The following XYLB variants were observed in gnomAD, a reference collection of about 807,000 sequenced individuals.
XYLB encodes xylulose kinase.
XYLB carries 62 observed loss-of-function variants against 78.7 expected under a neutral mutation model. The ratio of observed to expected loss-of-function variants is 0.79; its 90% CI spans 0.64 to 0.97. The LOEUF is 0.97. Ranked by LOEUF, XYLB falls within the 50% of genes least tolerant of loss-of-function variation. The pLI, the probability that XYLB is intolerant of heterozygous loss-of-function variation, is 0.00. For missense variants in XYLB, 687 were observed against 676.8 expected (o/e 1.02, Z -0.17); for synonymous variants, 245 against 247.4 (o/e 0.99, Z 0.09).
At chr3:38,368,339 C>T in intron 8 of XYLB, 82 bp downstream of exon 8, 1 of 1,272,674 alleles carries the variant, frequency 7.9e-7, no homozygotes, top group Non-Finnish European at 1.1e-6. Context: ...CCCCACCTAC[C>T]CCGAGTGGGT....
intron 2 of XYLB, among the ~76,000 whole-genome samples, chr3:38,352,023 G>A (rs1705392160): frequency 6.6e-6 from 1 of 152,086 alleles, no homozygotes; most frequent in East Asian, 1.9e-4. Flanking sequence ...CATTTTTCTT[G>A]GAAATGACAT....
intron 18 of XYLB, among the ~76,000 whole-genome samples, chr3:38,409,118 A>C (rs1003566300): frequency 6.6e-6 from 1 of 152,272 alleles, no homozygotes; most frequent in African/African-American, 2.4e-5. Context: ...CTTGATGAGC[A>C]TTGATGCAAA....
intron 2 of XYLB, among the ~76,000 whole-genome samples, chr3:38,357,408 A>T (rs1369577315): frequency 6.3e-5 from 9 of 141,864 alleles, no homozygotes; most frequent in South Asian, 2.2e-4. Flanking sequence ...TTTTTTTGAG[A>T]TGGAGTCTTG....
chr3:38,401,030 G>A lies in XYLB; in HGVS notation c.1533+45G>A, dbSNP rs763332896. On this transcript the variant is annotated intron_variant, in intron 18 of 18. Coordinates refer to ENST00000207870, the MANE Select transcript of XYLB (RefSeq NM_005108.4). ...TGTTTGTAGCATTTGCATTATGAAA[G>A]CCCGCTAGGGTTTTTTCCCCCACCA... 10 of 1,566,486 alleles carry A rather than the reference G, an allele frequency of 6.4e-6. No individual in the cohort carries two copies. In the East Asian group the frequency reaches 2.2e-4, roughly 35 times the overall value.
chr3:38,388,299 T>A (rs1357624168), intron 15 of XYLB, among the ~76,000 whole-genome samples: 2 of 151,944 alleles, frequency 1.3e-5, no homozygotes, highest in Non-Finnish European at 2.9e-5. Context: ...CAGGAACATA[T>A]TCAAGAGATT....
At chr3:38,374,385 GC>G (rs1706736033) in intron 10 of XYLB, 76 bp from the exon 11 acceptor site, 11 of 1,605,344 alleles carry the variant, frequency 6.9e-6, no homozygotes, top group Non-Finnish European at 6.8e-6. Context: ...CTCTGCGCCT[GC>G]CTGGAGAGCC....
At chr3:38,365,814 G>A in intron 6 of XYLB, 78 bp downstream of exon 6, 1 of 1,496,544 alleles carries the variant, frequency 6.7e-7, no homozygotes, top group Non-Finnish European at 8.9e-7. Flanking sequence ...CTGCCTCTGG[G>A]GGGATCACAT....
At chr3:38,401,034 G>T (rs766727600) in intron 18 of XYLB, 49 bp downstream of exon 18, 1 of 1,557,456 alleles carries the variant, frequency 6.4e-7, no homozygotes, top group African/African-American at 1.4e-5. Context: ...ATGAAAGCCC[G>T]CTAGGGTTTT....
chr3:38,350,737 G>A (rs1705311125), intron 2 of XYLB, among the ~76,000 whole-genome samples: 1 of 151,884 alleles, frequency 6.6e-6, no homozygotes, highest in African/African-American at 2.4e-5. Flanking sequence ...TGCTTTTTAT[G>A]GGATGCCTTA....
At chr3:38,449,235 A>T in the XYLB span, among the ~76,000 whole-genome samples, 2 of 152,026 alleles carry the variant, frequency 1.3e-5, no homozygotes, top group Non-Finnish European at 2.9e-5. Flanking sequence ...TGATTCTCCC[A>T]CCTCAGCCTA....
intron 18 of XYLB, among the ~76,000 whole-genome samples, chr3:38,408,952 G>A (rs1197939653): frequency 1.3e-5 from 2 of 152,152 alleles, no homozygotes; most frequent in African/African-American, 4.8e-5. Context: ...AATTCTACCA[G>A]AGGTACAAGG....
At chr3:38,435,803 A>C in the XYLB span, among the ~76,000 whole-genome samples, 3 of 152,204 alleles carry the variant, frequency 2.0e-5, no homozygotes, top group South Asian at 6.2e-4. Context: ...TTTGGAAACT[A>C]TAGAAATATA....
rs745708954 is a variant in XYLB, at chr3:38,376,198, G to A, written c.1086G>A (p.Leu362=). The A allele has an allele frequency of 6.2e-7, 1 of 1,614,014 alleles. No homozygotes were observed. The highest frequency in any genetic ancestry group is 8.5e-7 in the Non-Finnish European group (1 of 1,179,850). The change falls in exon 13 of 19, where the codon CTG becomes CTA. Residue 362 remains leucine (L), a synonymous_variant. Coordinates refer to ENST00000207870, the MANE Select transcript of XYLB (RefSeq NM_005108.4). The stretch of plus-strand genomic sequence containing the variant: ...CCTGGAGCGATTTCTCTAAGGCACT[G>A]CAGTCCACAGAGATGGGCAACGGTG... ...SRSWSDFSKA[L]QSTEMGNGGN...
rs1267447652 is a variant in XYLB at position 38,377,498 on chromosome 3, A to G, written c.1194+507A>G. ...AGTCTCACTCTGTTGCCCAGGCTTG[A>G]GTGCAGCGGGACGATCTCGGCTCAC... On this transcript the variant is annotated intron_variant, in intron 14 of 18. Transcript: ENST00000207870. Among the ~76,000 whole-genome samples, 8 of 147,194 alleles carry G rather than the reference A, an allele frequency of 5.4e-5. No individual in the cohort carries two copies. The East Asian group carries it at 1.6e-3, about 29-fold the overall frequency.
chr3:38,448,532 T>G, the XYLB span, among the ~76,000 whole-genome samples: 1 of 152,250 alleles, frequency 6.6e-6, no homozygotes, highest in Non-Finnish European at 1.5e-5. Flanking sequence ...TCCTATTGAA[T>G]GATTTTTCTG....
chr3:38,396,977 C>A, intron 16 of XYLB, 95 bp from the exon 17 acceptor site: 1 of 1,230,820 alleles, frequency 8.1e-7, no homozygotes, highest in South Asian at 1.2e-5. Flanking sequence ...GGTCAGAAGA[C>A]ATATGAGGGA....
In XYLB at chr3:38,413,257, C is replaced by T. The variant is rs1166432322; in HGVS notation, c.*244C>T. 2 of 428,340 alleles carry T rather than the reference C, an allele frequency of 4.7e-6. No homozygotes were observed. Among genetic ancestry groups the T allele is most frequent in the South Asian group, 6.3e-5 (1 of 15,834 alleles). The allele number at this position is 428,340 out of a possible 1,614,324, so 26.5% of individuals were successfully genotyped here. ...GCATCTCTCTTTTCCTGTCTTTTATCCCAGGAGGCAGGACAACACTGAGAC... is the reference window on the plus strand; with the variant it reads ...GCATCTCTCTTTTCCTGTCTTTTATTCCAGGAGGCAGGACAACACTGAGAC... On this transcript the variant is annotated 3_prime_UTR_variant, in exon 19 of 19. Transcript: ENST00000207870.
At chr3:38,436,388 C>T in the XYLB span, among the ~76,000 whole-genome samples, 1 of 152,062 alleles carries the variant, frequency 6.6e-6, no homozygotes, top group African/African-American at 2.4e-5. Context: ...ATAGAAAACG[C>T]AAACAGACCA....
At position 38,350,473 on chromosome 3, in the gene XYLB, T is replaced by C. The variant is rs192597344; in HGVS notation, c.140+1841T>C. 3.7e-3 allele frequency among the ~76,000 whole-genome samples: 561 copies of C among 152,338 alleles called. 2 individuals are homozygous for C. Among genetic ancestry groups the C allele is most frequent in the Non-Finnish European group, 5.4e-3 (368 of 68,038 alleles). On this transcript the variant is annotated intron_variant, in intron 2 of 18. Transcript: ENST00000207870. ...TGGTAATTTGTCTTCTCTCTTTTTT[T>C]CTTTGGTTATCCTGGCTAGAGGTTT...
Sources: allele counts gnomAD v4.1 joint callset (sites outside exome capture counted in the v4.1 genomes callset), GRCh38; gene constraint gnomAD v4.1.1; transcripts MANE v1.5; gene names NCBI Gene and HGNC (gene_info 2026-07-23, HGNC 2026-07-21).